Variants in TUBGCP6 observed in about 807,000 individuals in gnomAD.
The protein encoded by TUBGCP6 is gamma-tubulin complex component 6.
In TUBGCP6, 161 loss-of-function variants were observed where a neutral mutation model predicts 175.8. That is an observed-to-expected ratio of 0.92 (90% CI 0.81 to 1.04). TUBGCP6 has a LOEUF of 1.04. Ranked by LOEUF, TUBGCP6 falls within the 50% of genes least tolerant of loss-of-function variation. The pLI is 0.00. For synonymous variants in TUBGCP6, 1,173 were observed against 1,030.5 expected (o/e 1.14, Z -2.65); for missense variants, 2,572 against 2,433.0 (o/e 1.06, Z -1.20).
At chr22:50,233,880 C>G (rs1196321140) in intron 2 of TUBGCP6, among the ~76,000 whole-genome samples, 1 of 152,070 alleles carries the variant, frequency 6.6e-6, no homozygotes, top group Non-Finnish European at 1.5e-5. Flanking sequence ...ATAAAGTATT[C>G]TTCTGTTAGA....
rs774665317 is a variant in TUBGCP6, at chr22:50,221,029, C to T, written c.3330G>A (p.Val1110=). 1.3e-5 allele frequency: 21 copies of T among 1,612,102 alleles called. No individual in the cohort carries two copies. The Admixed American group carries it at 2.5e-4, about 19-fold the overall frequency. ...TRPRWNIHGH[V]SNASIRVGEN... The stretch of plus-strand genomic sequence containing the variant: ...CCCCGACCCTGATGCTGGCGTTGGA[C>T]ACATGTCCATGGATGTTCCACCGTG... Residue 1110 remains valine, a synonymous_variant, in exon 16 of 25, where the codon GTG becomes GTA. Transcript: ENST00000248846.
Position 50,219,427 on chromosome 22 carries a change from G to C in TUBGCP6, c.4345C>G (p.Pro1449Ala). ...SEPPIAHLLR[P>A]VLPRAFAFPV... ...AAGGCGAAGGCCCGGGGAAGCACGG[G>C]GCGCAAAAGATGAGCAATGGGCGGC... Residue 1449 changes from proline (P) to alanine (A), a missense_variant, in exon 19 of 25, where the codon CCC (proline) becomes GCC (alanine). Physicochemically the swap from Pro to Ala is conservative, Grantham distance 27. Coordinates refer to ENST00000248846, the MANE Select transcript of TUBGCP6 (RefSeq NM_020461.4). The C allele has an allele frequency of 6.4e-7, 1 of 1,570,556 alleles. No homozygotes were observed. The highest frequency in any genetic ancestry group is 1.2e-5 in the South Asian group (1 of 86,532).
At chr22:50,232,320 C>G (rs897433842) in intron 3 of TUBGCP6, among the ~76,000 whole-genome samples, 3 of 151,076 alleles carry the variant, frequency 2.0e-5, no homozygotes, top group African/African-American at 7.3e-5. Flanking sequence ...GAGCCGAGAC[C>G]GTGCCATTAC....
At position 50,228,004 on chromosome 22, in the gene TUBGCP6, A is replaced by G. The variant is rs760492021; in HGVS notation, c.1315T>C (p.Tyr439His). 6.4e-7 allele frequency: 1 copy of G among 1,565,886 alleles called. No homozygotes were observed. The highest frequency in any genetic ancestry group is 8.7e-7 in the Non-Finnish European group (1 of 1,155,362). ...ACGCAGGCCCGGTAATACTGCAGGT[A>G]CCTCCTCAGGCCACTGGTGAAGGCC... ...FQAFTSGLRR[Y>H]LQYYRACVLS... The change falls in exon 5 of 25, where the codon TAC (tyrosine) becomes CAC (histidine). Residue 439 changes from tyrosine (Y) to histidine (H), a missense_variant. Tyr to His is a moderately conservative substitution (Grantham distance 83). Coordinates refer to ENST00000248846, the MANE Select transcript of TUBGCP6 (RefSeq NM_020461.4).
chr22:50,218,251 G>T lies in TUBGCP6; in HGVS notation c.5106C>A (p.Thr1702=). Residue 1702 remains threonine, a synonymous_variant, in exon 23 of 25, where the codon ACC becomes ACA. Transcript: ENST00000248846. ...TWCEFRARLA[T]VGDLEEIQRA... ...GCTGGATCTCCTCCAGGTCGCCCAC[G>T]GTGGCCAACCTGGCCCTGAACTCGC... 1 of 1,612,994 alleles carries T rather than the reference G, an allele frequency of 6.2e-7. No individual in the cohort carries two copies. The highest frequency in any genetic ancestry group is 2.2e-5 in the East Asian group (1 of 44,860).
intron 2 of TUBGCP6, among the ~76,000 whole-genome samples, chr22:50,235,009 C>CA (rs2064752077): frequency 6.8e-6 from 1 of 146,970 alleles, no homozygotes; most frequent in African/African-American, 2.5e-5. Flanking sequence ...CCCCTATCCA[C>CA]GGCAGCATCC....
chr22:50,234,183 C>T (rs920251929), intron 2 of TUBGCP6, among the ~76,000 whole-genome samples: 6 of 148,202 alleles, frequency 4.0e-5, no homozygotes, highest in African/African-American at 1.5e-4. Flanking sequence ...ACGGCAGCAT[C>T]ATCCACACGC....
chr22:50,222,397 G>T (rs971201356), intron 14 of TUBGCP6, 57 bp downstream of exon 14: 6 of 1,605,558 alleles, frequency 3.7e-6, no homozygotes, highest in Non-Finnish European at 4.3e-6. Flanking sequence ...AGTCTCAGGG[G>T]GTTTCCAGAC....
In TUBGCP6 at chr22:50,218,462, G is replaced by T. The variant is rs2064455999; in HGVS notation, c.4954+26C>A. On this transcript the variant is annotated intron_variant, in intron 22 of 24. Coordinates refer to ENST00000248846, the MANE Select transcript of TUBGCP6 (RefSeq NM_020461.4). The stretch of plus-strand genomic sequence containing the variant: ...GCGCAGCCTCCAGCCAGGGGTGCGG[G>T]GCGCCGGGCTCCAGCGGGGCCTCAC... 5.0e-6 allele frequency: 8 copies of T among 1,613,134 alleles called. No individual in the cohort carries two copies. In the East Asian group the frequency reaches 1.8e-4, roughly 36 times the overall value.
chr22:50,233,216 C>G, intron 3 of TUBGCP6, 100 bp downstream of exon 3: 3 of 1,398,270 alleles, frequency 2.1e-6, no homozygotes, highest in Non-Finnish European at 2.9e-6. Context: ...CTCCCCACTC[C>G]CTGCACTGGG....
rs528266405 is a variant in TUBGCP6 at position 50,220,876 on chromosome 22, A to C, written c.3483T>G (p.His1161Gln). The C allele has an allele frequency of 6.3e-7, 1 of 1,597,820 alleles. No individual in the cohort carries two copies. The change falls in exon 16 of 25, where the codon CAT (histidine) becomes CAG (glutamine). Residue 1161 changes from histidine to glutamine, a missense_variant. Coordinates refer to ENST00000248846, the MANE Select transcript of TUBGCP6 (RefSeq NM_020461.4). ...VAPTRPRWNT[H>Q]GHVSDASISL... Reference sequence around the variant, plus strand: ...TGATGCTGGCATCGGACACGTGTCCATGGGTGTTCCACCGTGGCCGGGTGG... The same window carrying C: ...TGATGCTGGCATCGGACACGTGTCCCTGGGTGTTCCACCGTGGCCGGGTGG...
At chr22:50,231,081 C>CAAAA (rs35669469) in intron 3 of TUBGCP6, among the ~76,000 whole-genome samples, 10 of 22,798 alleles carry the variant, frequency 4.4e-4, no homozygotes, top group African/African-American at 9.2e-4. Flanking sequence ...GACTCTATCT[C>CAAAA]AAAAAAAAAA....
chr22:50,226,669 C>G (rs926735157), intron 7 of TUBGCP6, 64 bp downstream of exon 7: 4 of 1,361,256 alleles, frequency 2.9e-6, no homozygotes, highest in Non-Finnish European at 3.1e-6. Context: ...TGACAAGGGA[C>G]CGCTCTCAAG....
chr22:50,223,899 C>G (rs1375215913), intron 13 of TUBGCP6: 2 of 512,056 alleles, frequency 3.9e-6, no homozygotes, highest in Non-Finnish European at 7.1e-6. Flanking sequence ...CCAAACAGTA[C>G]GCAGGCCTCG....
chr22:50,225,883 C>T lies in TUBGCP6; in HGVS notation c.1894G>A (p.Glu632Lys), dbSNP rs199582514. The T allele has an allele frequency of 1.2e-6, 2 of 1,613,920 alleles. No homozygotes were observed. The highest frequency in any genetic ancestry group is 1.7e-6 in the Non-Finnish European group (2 of 1,179,978). The part of the protein sequence containing the change: ...PRISVIFSLE[E>K]LKEIEKDCAV... The stretch of plus-strand genomic sequence containing the variant: ...CAGTCCTTCTCAATCTCCTTCAACT[C>T]CTCAAGGGAGAAAATCACCGAGATC... The change falls in exon 10 of 25, where the codon GAG (glutamate) becomes AAG (lysine). Residue 632 changes from glutamate to lysine, a missense_variant. Coordinates refer to ENST00000248846, the MANE Select transcript of TUBGCP6 (RefSeq NM_020461.4).
intron 3 of TUBGCP6, among the ~76,000 whole-genome samples, chr22:50,232,343 G>A (rs1236666858): frequency 6.7e-6 from 1 of 150,216 alleles, no homozygotes; most frequent in Non-Finnish European, 1.5e-5. Flanking sequence ...TCCAGAATGG[G>A]CAACAGAGCG....
chr22:50,240,640 A>C (rs2064828033), intron 1 of TUBGCP6, among the ~76,000 whole-genome samples: 1 of 152,170 alleles, frequency 6.6e-6, no homozygotes. Context: ...TCAGACCTGG[A>C]AATTCCAATG....
chr22:50,218,736 C>T lies in TUBGCP6; in HGVS notation c.4788G>A (p.Pro1596=), dbSNP rs940051903. The change falls in exon 21 of 25, where the codon CCG becomes CCA. Residue 1596 remains proline (P), a synonymous_variant. Coordinates refer to ENST00000248846, the MANE Select transcript of TUBGCP6 (RefSeq NM_020461.4). ...TGAGCTCCAGGCAGCTCAGCACATCCGGGGCGTTGGGGGCAAACACCTCGG... is the reference window on the plus strand; with the variant it reads ...TGAGCTCCAGGCAGCTCAGCACATCTGGGGCGTTGGGGGCAAACACCTCGG... ...YLPEVFAPNA[P]DVLSCLELRY... is the part of the protein sequence containing the mutation. 18 of 1,613,850 alleles carry T rather than the reference C, an allele frequency of 1.1e-5. No homozygotes were observed. Among genetic ancestry groups the T allele is most frequent in the African/African-American group, 4.0e-5 (3 of 74,914 alleles).
chr22:50,231,763 G>A (rs1202990781), intron 3 of TUBGCP6, among the ~76,000 whole-genome samples: 1 of 151,768 alleles, frequency 6.6e-6, no homozygotes, highest in Non-Finnish European at 1.5e-5. Flanking sequence ...GGGAGGCTGA[G>A]GCAGGAGAAT....
Sources: gnomAD v4.1 joint callset for allele counts (sites outside exome capture counted in the v4.1 genomes callset) on GRCh38, gnomAD v4.1.1 for gene constraint, MANE v1.5 for transcripts, NCBI Gene and HGNC (gene_info 2026-07-23, HGNC 2026-07-21) for gene names.